Variants in DENND4C observed in about 807,000 individuals in gnomAD.
DENND4C encodes the protein DENN domain containing 4C, also known as DENN domain-containing protein 4C.
Under a neutral mutation model 203.0 loss-of-function variants are expected in DENND4C, and 108 were observed. The ratio of observed to expected loss-of-function variants is 0.53; its 90% CI spans 0.46 to 0.62. The LOEUF (loss-of-function observed/expected upper bound fraction) is 0.62. DENND4C is among the 20% of genes least tolerant of loss of function. The pLI is 0.00. For missense variants in DENND4C, 2,481 were observed against 2,301.2 expected, an observed-to-expected ratio of 1.08 and a Z score of -1.60; for synonymous variants, 871 against 792.4, an observed-to-expected ratio of 1.10 and a Z score of -1.67.
Position 19,346,549 on chromosome 9 carries a change from T to C in DENND4C, c.3780T>C (p.Cys1260=). ...LDPLSLLATE[C]TGGKTPDSED... ...CTTTGTCTCTTTTAGCCACTGAATG[T>C]ACAGGAGGAAAAACTCCTGATTCTG... Residue 1260 remains cysteine (C), a synonymous_variant, in exon 23 of 33, where the codon TGT becomes TGC. Coordinates refer to ENST00000434457, the MANE Select transcript of DENND4C (RefSeq NM_001330640.2). The C allele has an allele frequency of 6.2e-7, 1 of 1,614,152 alleles. No homozygotes were observed. Among genetic ancestry groups the C allele is most frequent in the Non-Finnish European group, 8.5e-7 (1 of 1,180,022 alleles).
chr9:19,332,087 C>T lies in DENND4C; in HGVS notation c.2363C>T (p.Ala788Val). Residue 788 changes from alanine to valine, a missense_variant, in exon 17 of 33, where the codon GCC (alanine) becomes GTC (valine). Transcript: ENST00000434457. ...AGTTTATGGTTTATTTGTCTTCCGG[C>T]CTATGTTAGAGTTTCTCATCCTAAA... Reference protein sequence around the residue: ...CYSLWFICLPAYVRVSHPKVR... With the variant: ...CYSLWFICLPVYVRVSHPKVR... 6.2e-7 allele frequency: 1 copy of T among 1,614,020 alleles called. No individual in the cohort carries two copies. Among genetic ancestry groups the T allele is most frequent in the Non-Finnish European group, 8.5e-7 (1 of 1,179,980 alleles).
chr9:19,367,379 A>T (rs933420257), intron 30 of DENND4C, among the ~76,000 whole-genome samples: 16 of 152,358 alleles, frequency 1.1e-4, no homozygotes, highest in African/African-American at 3.6e-4. Flanking sequence ...GAAAACTTGC[A>T]CATGAATGTT....
At chr9:19,294,819 A>G (rs1338825447) in intron 5 of DENND4C, among the ~76,000 whole-genome samples, 1 of 152,212 alleles carries the variant, frequency 6.6e-6, no homozygotes, top group Non-Finnish European at 1.5e-5. Flanking sequence ...TTCCTCTTAT[A>G]GGAGGTACCT....
chr9:19,309,088 G>T (rs1446962844), intron 10 of DENND4C, among the ~76,000 whole-genome samples: 6 of 152,192 alleles, frequency 3.9e-5, no homozygotes, highest in Admixed American at 2.0e-4. Context: ...TGGAAGCTAA[G>T]TGACTATGGG....
At chr9:19,262,549 A>C (rs77233306) in intron 1 of DENND4C, among the ~76,000 whole-genome samples, 8,021 of 151,178 alleles carry the variant, frequency 0.053, 360 homozygotes, top group African/African-American at 0.12. Context: ...CTCATGCTTC[A>C]GCCTCCCAAG....
At position 19,346,244 on chromosome 9, in the gene DENND4C, A is replaced by C; in HGVS notation, c.3475A>C (p.Ser1159Arg). The C allele has an allele frequency of 1.2e-6, 2 of 1,614,144 alleles. No individual in the cohort carries two copies. The highest frequency in any genetic ancestry group is 1.6e-4 in the Middle Eastern group (1 of 6,062). The change falls in exon 23 of 33, where the codon AGT becomes CGT. Residue 1159 changes from serine (S) to arginine (R), a missense_variant. Transcript: ENST00000434457. Reference sequence around the variant, plus strand: ...GAATGTTAGCTGTCACCTACCTGATAGTAGGACTTGTATGTCTGAAAGCAC... The same window carrying C: ...GAATGTTAGCTGTCACCTACCTGATCGTAGGACTTGTATGTCTGAAAGCAC... ...FENVSCHLPD[S>R]RTCMSESTWN... is the part of the protein sequence containing the mutation.
intron 30 of DENND4C, among the ~76,000 whole-genome samples, chr9:19,367,493 T>C (rs1827928197): frequency 6.6e-6 from 1 of 152,244 alleles, no homozygotes; most frequent in Non-Finnish European, 1.5e-5. Context: ...CCCAGCACTT[T>C]GGGAGGCTGA....
chr9:19,237,263 C>T (rs1822204797), intron 1 of DENND4C, among the ~76,000 whole-genome samples: 1 of 152,174 alleles, frequency 6.6e-6, no homozygotes, highest in Non-Finnish European at 1.5e-5. Context: ...AGGTGATCCG[C>T]CCACCTTGGC....
chr9:19,364,919 A>G (rs1827314714), intron 30 of DENND4C, among the ~76,000 whole-genome samples: 1 of 151,302 alleles, frequency 6.6e-6, no homozygotes, highest in Admixed American at 6.6e-5. Context: ...ACGAAAAAAA[A>G]AGAAATTTTG....
At chr9:19,352,244 G>A in intron 25 of DENND4C, 62 bp downstream of exon 25, 1 of 1,450,618 alleles carries the variant, frequency 6.9e-7, no homozygotes, top group African/African-American at 1.4e-5. Context: ...TTTCAGAATG[G>A]CATTTAACAG....
At chr9:19,330,624 T>C (rs1393629981) in intron 16 of DENND4C, among the ~76,000 whole-genome samples, 7 of 151,716 alleles carry the variant, frequency 4.6e-5, no homozygotes, top group African/African-American at 1.7e-4. Context: ...ATACATGAGC[T>C]ACCATGCCCA....
At position 19,302,639 on chromosome 9, in the gene DENND4C, G is replaced by T. The variant is rs188849116; in HGVS notation, c.1311+2308G>T. Among the ~76,000 whole-genome samples the T allele has an allele frequency of 1.2e-4, 19 of 152,288 alleles. No homozygotes were observed. The East Asian group carries it at 3.5e-3, about 28-fold the overall frequency. On this transcript the variant is annotated intron_variant, in intron 9 of 32. Coordinates refer to ENST00000434457, the MANE Select transcript of DENND4C (RefSeq NM_001330640.2). ...GTAACATACCTTTTGTTGAATAGAA[G>T]ATAATTGTCACTCAAAGAAATCTGA...
At chr9:19,244,223 A>AT (rs1210032499) in intron 1 of DENND4C, among the ~76,000 whole-genome samples, 1 of 151,814 alleles carries the variant, frequency 6.6e-6, no homozygotes, top group Non-Finnish European at 1.5e-5. Flanking sequence ...TAGAGATGGG[A>AT]TTTTGCCATG....
chr9:19,283,886 C>T (rs1036124798), intron 2 of DENND4C, among the ~76,000 whole-genome samples: 5 of 152,050 alleles, frequency 3.3e-5, no homozygotes, highest in African/African-American at 9.7e-5. Context: ...TGAGCCACTG[C>T]GCCCGCCCAG....
At chr9:19,259,113 C>T (rs1432707673) in intron 1 of DENND4C, among the ~76,000 whole-genome samples, 4 of 152,002 alleles carry the variant, frequency 2.6e-5, no homozygotes, top group African/African-American at 9.7e-5. Context: ...TCCAATGGTA[C>T]TTTTAGTTAT....
intron 12 of DENND4C, among the ~76,000 whole-genome samples, chr9:19,319,419 T>TAC (rs1460703755): frequency 1.5e-4 from 21 of 142,816 alleles, no homozygotes; most frequent in African/African-American, 5.6e-4. Flanking sequence ...CATATATATA[T>TAC]ACATATATAT....
rs376805080 is a variant in DENND4C, at chr9:19,372,970, A to G, written c.*797A>G. The stretch of plus-strand genomic sequence containing the variant: ...CATATTCTAAGTGTATATTTATTAA[A>G]ATAGATTGCATGTTGCAATACGGTT... On this transcript the variant is annotated 3_prime_UTR_variant, in exon 33 of 33. Coordinates refer to ENST00000434457, the MANE Select transcript of DENND4C (RefSeq NM_001330640.2). The G allele has an allele frequency of 6.6e-6, 1 of 152,286 alleles. No individual in the cohort carries two copies. Among genetic ancestry groups the G allele is most frequent in the Admixed American group, 6.5e-5 (1 of 15,290 alleles). 9.4% of individuals were successfully genotyped at this position (152,286 alleles called of 1,614,324 possible).
At chr9:19,233,971 A>G (rs557296722) in intron 1 of DENND4C, among the ~76,000 whole-genome samples, 1 of 152,284 alleles carries the variant, frequency 6.6e-6, no homozygotes, top group Non-Finnish European at 1.5e-5. Context: ...TCTAACACTT[A>G]TATTTTTCTG....
chr9:19,319,379 T>TACATATATATATACATATATATATACAC (rs71335418), intron 12 of DENND4C, among the ~76,000 whole-genome samples: 5,480 of 105,182 alleles, frequency 0.052, 709 homozygotes, highest in Middle Eastern at 0.12. Flanking sequence ...TATATACACA[T>TACATATATATATACATATATATATACAC]ACATATATAT....
Sources: allele counts gnomAD v4.1 joint callset (sites outside exome capture counted in the v4.1 genomes callset), GRCh38; gene constraint gnomAD v4.1.1; transcripts MANE v1.5; gene names NCBI Gene and HGNC (gene_info 2026-07-23, HGNC 2026-07-21).